The following STEAP1B variants were observed in gnomAD, a reference collection of about 807,000 sequenced individuals.
The protein encoded by STEAP1B is STEAP family protein MGC87042.
A neutral mutation model predicts 27.9 loss-of-function variants in STEAP1B; 13 were observed. That is an observed-to-expected ratio of 0.47 (90% CI 0.30 to 0.74). The LOEUF (loss-of-function observed/expected upper bound fraction) is 0.74, where lower values mean the gene tolerates loss of function less well. STEAP1B is among the 30% of genes least tolerant of loss of function. The pLI is 0.06. For missense variants in STEAP1B, 250 were observed against 298.7 expected, an observed-to-expected ratio of 0.84 and a Z score of 1.20; for synonymous variants, 86 against 107.1, an observed-to-expected ratio of 0.80 and a Z score of 1.22.
At chr7:22,468,082 A>T (rs1047389830) in intron 4 of STEAP1B, among the ~76,000 whole-genome samples, 1 of 152,200 alleles carries the variant, frequency 6.6e-6, no homozygotes, top group Non-Finnish European at 1.5e-5. Flanking sequence ...TTGAAATTCA[A>T]ATTTAACTTG....
chr7:22,468,949 GTTAC>G (rs563098105), intron 4 of STEAP1B, among the ~76,000 whole-genome samples: 70 of 152,248 alleles, frequency 4.6e-4, no homozygotes, highest in African/African-American at 1.6e-3. Context: ...TAATAACCAT[GTTAC>G]TTATTTATTA....
At chr7:22,491,316 G>A (rs1413960367) in intron 4 of STEAP1B, among the ~76,000 whole-genome samples, 1 of 152,112 alleles carries the variant, frequency 6.6e-6, no homozygotes, top group Non-Finnish European at 1.5e-5. Flanking sequence ...TCTCTCACAG[G>A]ATGAAAAGAA....
intron 4 of STEAP1B, among the ~76,000 whole-genome samples, chr7:22,479,109 C>T (rs1302838153): frequency 6.6e-6 from 1 of 152,158 alleles, no homozygotes; most frequent in Non-Finnish European, 1.5e-5. Context: ...AAAATAAAGA[C>T]ATTTCTTCAC....
Position 22,467,700 on chromosome 7 carries a change from C to G in STEAP1B, c.762+24865G>C, listed in dbSNP as rs576907128. On this transcript the variant is annotated intron_variant, in intron 4 of 4. Transcript: ENST00000678116. ...CTTGTCTGCTGCCATGTGAGACGTG[C>G]CTTTTACCTTCCGCCATGATTGTGA... 5.9e-5 allele frequency among the ~76,000 whole-genome samples: 9 copies of G among 152,260 alleles called. No individual in the cohort carries two copies. In the East Asian group the frequency reaches 1.7e-3, roughly 29 times the overall value.
At chr7:22,431,262 C>T (rs887640513) in intron 4 of STEAP1B, among the ~76,000 whole-genome samples, 1 of 152,186 alleles carries the variant, frequency 6.6e-6, no homozygotes, top group Non-Finnish European at 1.5e-5. Context: ...CACCCTAAGG[C>T]TCACTCTCTT....
At chr7:22,452,810 G>C (rs988545474) in intron 4 of STEAP1B, among the ~76,000 whole-genome samples, 7 of 152,092 alleles carry the variant, frequency 4.6e-5, no homozygotes, top group African/African-American at 1.7e-4. Context: ...CAGGGAGCCC[G>C]TTTTCTCACG....
At chr7:22,438,818 C>A in intron 4 of STEAP1B, 1 of 1,481,444 alleles carries the variant, frequency 6.8e-7, no homozygotes, top group Non-Finnish European at 8.9e-7. Flanking sequence ...ATTAAAAGCC[C>A]TGTGATAAGT....
At chr7:22,463,941 C>A (rs546988230) in intron 4 of STEAP1B, among the ~76,000 whole-genome samples, 23 of 151,226 alleles carry the variant, frequency 1.5e-4, no homozygotes, top group African/African-American at 4.9e-4. Context: ...GCAACAAAAG[C>A]CAAAATTGAC....
chr7:22,461,990 C>T (rs1723067174), intron 4 of STEAP1B, among the ~76,000 whole-genome samples: 1 of 152,154 alleles, frequency 6.6e-6, no homozygotes, highest in Admixed American at 6.5e-5. Flanking sequence ...GTAATAGTTA[C>T]CATTACTGTG....
intron 4 of STEAP1B, among the ~76,000 whole-genome samples, chr7:22,422,363 G>C (rs1263589620): frequency 6.6e-6 from 1 of 152,214 alleles, no homozygotes; most frequent in Non-Finnish European, 1.5e-5. Context: ...AACCGCAAAG[G>C]AGAGCCAAAA....
intron 4 of STEAP1B, among the ~76,000 whole-genome samples, chr7:22,448,426 C>T (rs1214007836): frequency 6.6e-6 from 1 of 152,088 alleles, no homozygotes; most frequent in Non-Finnish European, 1.5e-5. Context: ...ATTTCCATTT[C>T]ATTTCCCCAA....
intron 4 of STEAP1B, among the ~76,000 whole-genome samples, chr7:22,430,579 A>C (rs1236178208): frequency 6.6e-6 from 1 of 152,226 alleles, no homozygotes; most frequent in Non-Finnish European, 1.5e-5. Context: ...TCCACCCTGC[A>C]GCTGGCTTGG....
intron 4 of STEAP1B, among the ~76,000 whole-genome samples, chr7:22,465,354 G>T (rs1785758800): frequency 6.6e-6 from 1 of 152,092 alleles, no homozygotes; most frequent in Admixed American, 6.5e-5. Context: ...AGATAAGGGT[G>T]GACTAATGTA....
At chr7:22,487,703 C>G (rs1178586946) in intron 4 of STEAP1B, among the ~76,000 whole-genome samples, 2 of 149,614 alleles carry the variant, frequency 1.3e-5, no homozygotes, top group Admixed American at 1.3e-4. Flanking sequence ...ACTCTGGAGG[C>G]TGAGGCAGGG....
At chr7:22,486,380 A>G (rs1282583497) in intron 4 of STEAP1B, among the ~76,000 whole-genome samples, 1 of 152,194 alleles carries the variant, frequency 6.6e-6, no homozygotes, top group Non-Finnish European at 1.5e-5. Flanking sequence ...CAGAGGCAGA[A>G]TACAGTTTAA....
At chr7:22,486,192 C>A (rs1456956485) in intron 4 of STEAP1B, among the ~76,000 whole-genome samples, 1 of 152,184 alleles carries the variant, frequency 6.6e-6, no homozygotes, top group East Asian at 1.9e-4. Flanking sequence ...GGCTTAGAGG[C>A]ACTGCCTTAG....
chr7:22,443,747 A>G (rs1363720119), intron 4 of STEAP1B, among the ~76,000 whole-genome samples: 1 of 152,218 alleles, frequency 6.6e-6, no homozygotes, highest in Non-Finnish European at 1.5e-5. Flanking sequence ...TAGCTGGCAC[A>G]TGCCAGCTCC....
chr7:22,456,972 A>ATATATATATATTTTTTTTTTTTTTT, intron 4 of STEAP1B, among the ~76,000 whole-genome samples: 8 of 57,072 alleles, frequency 1.4e-4, no homozygotes, highest in African/African-American at 2.8e-4. Flanking sequence ...ATATATATAT[A>ATATATATATATTTTTTTTTTTTTTT]TTTTTTTTTT....
chr7:22,488,833 GAGC>G (rs1378363849), intron 4 of STEAP1B, among the ~76,000 whole-genome samples: 1 of 152,162 alleles, frequency 6.6e-6, no homozygotes, highest in East Asian at 1.9e-4. Flanking sequence ...TCTAGCCTTT[GAGC>G]CAGTGCACAT....
Sources: allele counts gnomAD v4.1 joint callset (sites outside exome capture counted in the v4.1 genomes callset), GRCh38; gene constraint gnomAD v4.1.1; transcripts MANE v1.5; gene names NCBI Gene and HGNC (gene_info 2026-07-23, HGNC 2026-07-21).